The following KIFC2 variants were observed in gnomAD, a reference collection of about 807,000 sequenced individuals.
KIFC2 encodes the protein kinesin family member C2.
Under a neutral mutation model 91.5 loss-of-function variants are expected in KIFC2, and 94 were observed. The observed-to-expected ratio is 1.03, with a 90% CI of 0.87 to 1.22. The LOEUF (loss-of-function observed/expected upper bound fraction) is 1.22. KIFC2 is among the 50% of genes most tolerant of loss of function. The pLI, the probability that KIFC2 is intolerant of heterozygous loss-of-function variation, is 0.00. For synonymous variants in KIFC2, 729 were observed against 503.9 expected, an observed-to-expected ratio of 1.45 and a Z score of -5.98; for missense variants, 1,357 against 1,103.3, an observed-to-expected ratio of 1.23 and a Z score of -3.26.
chr8:144,466,259 C>G (rs994460956), upstream of KIFC2: 25 of 204,534 alleles, frequency 1.2e-4, no homozygotes, highest in Non-Finnish European at 9.6e-6. Flanking sequence ...GCACCTGTTT[C>G]TAGTACCCCC....
At position 144,473,533 on chromosome 8, in the gene KIFC2, C is replaced by T; in HGVS notation, c.*144C>T. On this transcript the variant is annotated 3_prime_UTR_variant, in exon 18 of 18. Coordinates refer to ENST00000645548, the MANE Select transcript of KIFC2 (RefSeq NM_001369769.2). Reference sequence around the variant, plus strand: ...TGCCCCTGAGCTCCCAGAGTCACCCCTCCACCTCCGCAGCCAGTGAAGTGT... The same window carrying T: ...TGCCCCTGAGCTCCCAGAGTCACCCTTCCACCTCCGCAGCCAGTGAAGTGT... 3.9e-6 allele frequency: 5 copies of T among 1,273,190 alleles called. No homozygotes were observed. Among genetic ancestry groups the T allele is most frequent in the Non-Finnish European group, 4.2e-6 (4 of 959,514 alleles). 78.9% of individuals were successfully genotyped at this position (1,273,190 alleles called of 1,614,324 possible).
chr8:144,466,675 C>A, intron 1 of KIFC2, 85 bp from the exon 2 acceptor site: 1 of 1,218,670 alleles, frequency 8.2e-7, no homozygotes. Flanking sequence ...GACTTCGGCC[C>A]CAATCCTCCG....
intron 15 of KIFC2, 25 bp downstream of exon 15, chr8:144,472,509 C>T (rs964809471): frequency 1.2e-6 from 2 of 1,611,330 alleles, no homozygotes; most frequent in Non-Finnish European, 1.7e-6. Flanking sequence ...CTCTCCGAGA[C>T]CCCGCCCCGT....
intron 1 of KIFC2, 111 bp from the exon 2 acceptor site, chr8:144,466,649 C>G (rs950276933): frequency 5.8e-6 from 6 of 1,030,896 alleles, no homozygotes; most frequent in Admixed American, 3.8e-5. Context: ...GGCTCGGCCC[C>G]GATGCTGGAA....
At position 144,468,707 on chromosome 8, in the gene KIFC2, A is replaced by G. The variant is rs750489831; in HGVS notation, c.1004-18A>G. On this transcript the variant is annotated intron_variant, in intron 9 of 17. Transcript: ENST00000645548. ...CCTGGAGGCTGGGCCTTCCCTTCCA[A>G]CAGACTTCCCTCTCCAGGACTTCGG... 1.9e-6 allele frequency: 3 copies of G among 1,613,862 alleles called. No individual in the cohort carries two copies. The highest frequency in any genetic ancestry group is 2.5e-6 in the Non-Finnish European group (3 of 1,179,920).
chr8:144,471,319 A>G (rs955312348), intron 12 of KIFC2, among the ~76,000 whole-genome samples: 1 of 144,704 alleles, frequency 6.9e-6, no homozygotes, highest in Non-Finnish European at 1.5e-5. Flanking sequence ...ATGTATATGT[A>G]TTTTTTTTTT....
chr8:144,471,821 C>T, intron 12 of KIFC2, 121 bp from the exon 13 acceptor site: 1 of 821,716 alleles, frequency 1.2e-6, no homozygotes. Flanking sequence ...CCCTTAGAGC[C>T]ATCCTCCCAG....
At position 144,468,831 on chromosome 8, in the gene KIFC2, C is replaced by T; in HGVS notation, c.1110C>T (p.Gly370=). 6.2e-7 allele frequency: 1 copy of T among 1,612,630 alleles called. No homozygotes were observed. Among genetic ancestry groups the T allele is most frequent in the Non-Finnish European group, 8.5e-7 (1 of 1,178,950 alleles). The change falls in exon 10 of 18, where the codon GGC becomes GGT. Residue 370 remains glycine (G), a synonymous_variant. Coordinates refer to ENST00000645548, the MANE Select transcript of KIFC2 (RefSeq NM_001369769.2). The stretch of plus-strand genomic sequence containing the variant: ...AGGGTTCGCTGAGTGAGGCCCGGGG[C>T]CAGGTCAGGACCCCTCCCCGCCTAG... ...SCQGSLSEAR[G]QVSWALGALS...
Position 144,468,807 on chromosome 8 carries a change from G to T in KIFC2, c.1086G>T (p.Gln362His). ...TCAGCACCTTTACCCAGAGCTGTCA[G>T]GGTTCGCTGAGTGAGGCCCGGGGCC... The part of the protein sequence containing the change: ...GLVSTFTQSC[Q>H]GSLSEARGQV... Residue 362 changes from glutamine (Q) to histidine (H), a missense_variant, in exon 10 of 18, where the codon CAG becomes CAT. Coordinates refer to ENST00000645548, the MANE Select transcript of KIFC2 (RefSeq NM_001369769.2). 2.5e-6 allele frequency: 4 copies of T among 1,614,014 alleles called. No individual in the cohort carries two copies. Among genetic ancestry groups the T allele is most frequent in the Non-Finnish European group, 3.4e-6 (4 of 1,180,026 alleles).
upstream of KIFC2, chr8:144,466,248 G>A (rs1232667696): frequency 2.5e-5 from 5 of 199,778 alleles, no homozygotes; most frequent in Non-Finnish European, 5.0e-5. Flanking sequence ...TGCGGCCGCG[G>A]GCACCTGTTT....
In KIFC2 at chr8:144,467,930, T is replaced by A; in HGVS notation, c.753T>A (p.Ser251Arg). ...ACGAGGCCCTGAAGCAGAGCCTGAG[T>A]CTCATGCGGGACCTCCTGCTGCACT... is the stretch of plus-strand genomic sequence containing the variant. ...LENEALKQSL[S>R]LMRDLLLHWG... Residue 251 changes from serine to arginine, a missense_variant, in exon 7 of 18, where the codon AGT becomes AGA. By Grantham distance (110) the Ser-to-Arg change is moderately radical. Transcript: ENST00000645548. 6.2e-7 allele frequency: 1 copy of A among 1,609,718 alleles called. No individual in the cohort carries two copies. Among genetic ancestry groups the A allele is most frequent in the Non-Finnish European group, 8.5e-7 (1 of 1,178,660 alleles).
At chr8:144,466,556 C>T (rs1203184324) in intron 1 of KIFC2, 38 bp downstream of exon 1, 1 of 1,082,202 alleles carries the variant, frequency 9.2e-7, no homozygotes, top group Non-Finnish European at 1.2e-6. Flanking sequence ...CGTCTCCCGC[C>T]GCCTGCCCCA....
At position 144,468,600 on chromosome 8, in the gene KIFC2, C is replaced by T. The variant is rs371430388; in HGVS notation, c.953C>T (p.Thr318Met). The T allele has an allele frequency of 1.1e-4, 177 of 1,612,490 alleles. No individual in the cohort carries two copies. The highest frequency in any genetic ancestry group is 1.6e-4 in the Middle Eastern group (1 of 6,080). The change falls in exon 9 of 18, where the codon ACG becomes ATG. Residue 318 changes from threonine to methionine, a missense_variant. Transcript: ENST00000645548. ...GCCCTCCAGCAGCTCCAGCAGGAGA[C>T]GGAGCAGAACTGCAGGCGTGAGCTA... ...QGALQQLQQE[T>M]EQNCRRELQQ...
chr8:144,468,029 C>A, intron 7 of KIFC2, 42 bp downstream of exon 7: 1 of 1,495,080 alleles, frequency 6.7e-7, no homozygotes, highest in Admixed American at 2.7e-5. Context: ...CAGCCTGGGG[C>A]TCTTGCACAC....
intron 17 of KIFC2, 30 bp from the exon 18 acceptor site, chr8:144,473,102 G>C: frequency 6.5e-7 from 1 of 1,541,174 alleles, no homozygotes. Flanking sequence ...CGCCCACCCG[G>C]GCCCGCCCAC....
rs1435038507 is a variant in KIFC2 at position 144,474,105 on chromosome 8, C to T, written c.*716C>T. Reference sequence around the variant, plus strand: ...ATGCGTGGGGTGGCCCAATAAACACCGTGGACTCCCAGCAAGGCTGCTGCC... The same window carrying T: ...ATGCGTGGGGTGGCCCAATAAACACTGTGGACTCCCAGCAAGGCTGCTGCC... On this transcript the variant is annotated 3_prime_UTR_variant, in exon 18 of 18. Coordinates refer to ENST00000645548, the MANE Select transcript of KIFC2 (RefSeq NM_001369769.2). The T allele has an allele frequency of 5.7e-6, 4 of 704,252 alleles. No homozygotes were observed. Among genetic ancestry groups the T allele is most frequent in the Non-Finnish European group, 7.0e-6 (3 of 430,172 alleles). The allele number at this position is 704,252 out of a possible 1,614,324, so 43.6% of individuals were successfully genotyped here. A position where few individuals can be genotyped will look rare whatever the true frequency, so the allele number is the denominator to read the frequency against.
rs532477875 is a variant in KIFC2, at chr8:144,468,762, C to T, written c.1041C>T (p.Cys347=). 39 of 1,613,928 alleles carry T rather than the reference C, an allele frequency of 2.4e-5. No individual in the cohort carries two copies. The highest frequency in any genetic ancestry group is 3.1e-5 in the Non-Finnish European group (37 of 1,180,016). The part of the protein sequence containing the change: ...RARMASLRQG[C]GDLRGLVSTF... ...GGATGGCCAGCCTGCGTCAGGGCTG[C>T]GGGGACCTCCGAGGTTTGGTCAGCA... The change falls in exon 10 of 18, where the codon TGC becomes TGT. Residue 347 remains cysteine, a synonymous_variant. Transcript: ENST00000645548.
chr8:144,469,609 C>T lies in KIFC2; in HGVS notation c.1342C>T (p.Leu448=). ...CCGGGGGCGCCATCGTCGATTCCGC[C>T]TAGACTGGGTCTTCCCTCCAGACGC... ...CYRGRHRRFR[L]DWVFPPDASQ... Residue 448 remains leucine, a synonymous_variant, in exon 12 of 18, where the codon CTA becomes TTA. Coordinates refer to ENST00000645548, the MANE Select transcript of KIFC2 (RefSeq NM_001369769.2). 1 of 1,610,580 alleles carries T rather than the reference C, an allele frequency of 6.2e-7. No homozygotes were observed. The highest frequency in any genetic ancestry group is 8.5e-7 in the Non-Finnish European group (1 of 1,178,592).
At position 144,472,574 on chromosome 8, in the gene KIFC2, C is replaced by T; in HGVS notation, c.1732-3C>T. ...CTGACCAGCCCTTCGCCCCGCCTTC[C>T]AGATGCTGAAACTGGGGAGGAGCAA... On this transcript the variant is annotated splice_region_variant and splice_polypyrimidine_tract_variant and intron_variant, in intron 15 of 17. Coordinates refer to ENST00000645548, the MANE Select transcript of KIFC2 (RefSeq NM_001369769.2). 1.2e-6 allele frequency: 2 copies of T among 1,611,466 alleles called. No individual in the cohort carries two copies. The highest frequency in any genetic ancestry group is 2.2e-5 in the South Asian group (2 of 91,058).
Sources: allele counts gnomAD v4.1 joint callset (sites outside exome capture counted in the v4.1 genomes callset), GRCh38; gene constraint gnomAD v4.1.1; transcripts MANE v1.5; gene names NCBI Gene and HGNC (gene_info 2026-07-23, HGNC 2026-07-21).